CFAP54: variants seen among roughly 807,000 people sequenced by gnomAD.
CFAP54 encodes cilia and flagella associated protein 54.
CFAP54 carries 290 observed loss-of-function variants against 370.4 expected under a neutral mutation model. That is an observed-to-expected ratio of 0.78 (90% confidence interval 0.71 to 0.86). The LOEUF is 0.86. Ranked by LOEUF, CFAP54 falls within the 40% of genes least tolerant of loss-of-function variation. The pLI is 0.00. For missense variants in CFAP54, 3,399 were observed against 3,528.7 expected, an observed-to-expected ratio of 0.96 and a Z score of 0.93; for synonymous variants, 1,206 against 1,236.5, an observed-to-expected ratio of 0.98 and a Z score of 0.52.
At chr12:96,745,714 A>C (rs1246669967) in intron 55 of CFAP54, among the ~76,000 whole-genome samples, 1 of 152,188 alleles carries the variant, frequency 6.6e-6, no homozygotes, top group Non-Finnish European at 1.5e-5. Flanking sequence ...AGCTTAAATA[A>C]AAGTGTTAAT....
At chr12:96,697,355 T>C (rs1312499053) in intron 45 of CFAP54, among the ~76,000 whole-genome samples, 1 of 151,966 alleles carries the variant, frequency 6.6e-6, no homozygotes, top group African/African-American at 2.4e-5. Flanking sequence ...ATGAGAAAAA[T>C]GGTCATCTAG....
chr12:96,500,476 A>G (rs754883503), intron 1 of CFAP54, among the ~76,000 whole-genome samples: 12 of 152,240 alleles, frequency 7.9e-5, no homozygotes, highest in Non-Finnish European at 1.8e-4. Flanking sequence ...ATGTAGGTTC[A>G]TCACAACAAA....
At chr12:96,520,930 C>T (rs1416504278) in intron 6 of CFAP54, among the ~76,000 whole-genome samples, 1 of 152,176 alleles carries the variant, frequency 6.6e-6, no homozygotes, top group Non-Finnish European at 1.5e-5. Context: ...GGCAGAACAG[C>T]CTAATTTAAC....
chr12:96,731,856 A>C (rs1481008149), intron 50 of CFAP54, among the ~76,000 whole-genome samples: 1 of 152,166 alleles, frequency 6.6e-6, no homozygotes, highest in Non-Finnish European at 1.5e-5. Context: ...TGTGGTATTA[A>C]ATTCTACATT....
chr12:96,536,580 G>A lies in CFAP54; in HGVS notation c.1791+980G>A, dbSNP rs539627573. ...AAAAATAGCGATCAAGGCTTAAAAA[G>A]GTAGGGAACTTTCCTTTATCTGTTT... On this transcript the variant is annotated intron_variant, in intron 12 of 67. Transcript: ENST00000524981. 2.0e-5 allele frequency among the ~76,000 whole-genome samples: 3 copies of A among 151,642 alleles called. No individual in the cohort carries two copies. In the South Asian group the frequency reaches 6.3e-4, roughly 32 times the overall value.
At chr12:96,575,452 G>A (rs1038756758) in intron 19 of CFAP54, among the ~76,000 whole-genome samples, 2 of 151,994 alleles carry the variant, frequency 1.3e-5, no homozygotes, top group African/African-American at 4.8e-5. Context: ...AACACTTTAA[G>A]TGAAAGCGTA....
chr12:96,840,158 C>G (rs936251153), intron 66 of CFAP54, among the ~76,000 whole-genome samples: 12 of 152,226 alleles, frequency 7.9e-5, no homozygotes, highest in Non-Finnish European at 1.6e-4. Flanking sequence ...TCCAATAAAA[C>G]TAGGTATTTT....
At chr12:96,833,620 A>G (rs1254442741) in intron 66 of CFAP54, among the ~76,000 whole-genome samples, 1 of 151,830 alleles carries the variant, frequency 6.6e-6, no homozygotes, top group Admixed American at 6.6e-5. Flanking sequence ...TTGAAAGTGG[A>G]AAATGTTATC....
chr12:96,561,630 C>A (rs1955817131), intron 17 of CFAP54, among the ~76,000 whole-genome samples: 1 of 149,810 alleles, frequency 6.7e-6, no homozygotes. Flanking sequence ...ATTTAGAAAC[C>A]AAGATCTGTA....
At chr12:96,592,041 A>G (rs1445404048) in intron 23 of CFAP54, among the ~76,000 whole-genome samples, 10 of 152,192 alleles carry the variant, frequency 6.6e-5, no homozygotes, top group Non-Finnish European at 1.3e-4. Context: ...CCTAGTGGCT[A>G]AAGATTCCAT....
chr12:96,761,912 A>G (rs34479), intron 58 of CFAP54, among the ~76,000 whole-genome samples: 21,059 of 152,170 alleles, frequency 0.14, 1,876 homozygotes, highest in Middle Eastern at 0.26. Context: ...TTGAAATTGT[A>G]AAGTGCATGT....
chr12:96,551,969 G>A (rs955344982), intron 15 of CFAP54, among the ~76,000 whole-genome samples: 6 of 152,182 alleles, frequency 3.9e-5, no homozygotes, highest in African/African-American at 1.4e-4. Flanking sequence ...ACTTTGGGCT[G>A]GGCGTGGTGG....
At chr12:96,868,812 T>C (rs1025460530) in intron 67 of CFAP54, among the ~76,000 whole-genome samples, 7 of 152,170 alleles carry the variant, frequency 4.6e-5, no homozygotes, top group African/African-American at 1.7e-4. Context: ...CAACCATAGA[T>C]TGGCTGTATG....
At chr12:96,553,017 T>C (rs895943571) in intron 15 of CFAP54, among the ~76,000 whole-genome samples, 1 of 152,166 alleles carries the variant, frequency 6.6e-6, no homozygotes, top group African/African-American at 2.4e-5. Flanking sequence ...TAGTAGGTGC[T>C]TGAGGTTGTT....
At chr12:96,789,311 A>ACAGGC (rs1358998552) in intron 62 of CFAP54, among the ~76,000 whole-genome samples, 1 of 152,238 alleles carries the variant, frequency 6.6e-6, no homozygotes, top group African/African-American at 2.4e-5. Context: ...GAGGACGTGA[A>ACAGGC]CAGGCCAGGA....
intron 30 of CFAP54, among the ~76,000 whole-genome samples, chr12:96,628,191 C>T (rs1308794724): frequency 6.6e-6 from 1 of 152,144 alleles, no homozygotes; most frequent in Admixed American, 6.5e-5. Flanking sequence ...AGAATGTATC[C>T]CTACCGCTAA....
At chr12:96,527,518 C>T in intron 9 of CFAP54, 74 bp downstream of exon 9, 1 of 937,086 alleles carries the variant, frequency 1.1e-6, no homozygotes, top group Admixed American at 3.1e-5. Flanking sequence ...ACATGGTAGT[C>T]CATACATAGG....
intron 30 of CFAP54, 117 bp downstream of exon 30, chr12:96,627,056 A>G (rs1293489204): frequency 3.3e-6 from 2 of 608,480 alleles, no homozygotes; most frequent in African/African-American, 1.9e-5. Flanking sequence ...AGTTAAAACC[A>G]CTGCCTAAGA....
chr12:96,807,417 A>G (rs1958892997), intron 63 of CFAP54, among the ~76,000 whole-genome samples: 1 of 152,248 alleles, frequency 6.6e-6, no homozygotes, highest in Non-Finnish European at 1.5e-5. Flanking sequence ...AAGTCAGGCA[A>G]TCAACTCCAC....
Sources: gnomAD v4.1 joint callset for allele counts (sites outside exome capture counted in the v4.1 genomes callset) on GRCh38, gnomAD v4.1.1 for gene constraint, MANE v1.5 for transcripts, NCBI Gene and HGNC (gene_info 2026-07-23, HGNC 2026-07-21) for gene names.